The following UBE2E2 variants were observed in gnomAD, a reference collection of about 807,000 sequenced individuals.
UBE2E2 encodes ubiquitin-conjugating enzyme E2 E2.
Under a neutral mutation model 24.7 loss-of-function variants are expected in UBE2E2, and 6 were observed. That is an observed-to-expected ratio of 0.24 (90% CI 0.13 to 0.48). The LOEUF (loss-of-function observed/expected upper bound fraction) is 0.48. Among genes scored for constraint, UBE2E2 ranks in the 20% least tolerant of loss-of-function variants. The pLI is 0.99. For synonymous variants in UBE2E2, 104 were observed against 83.6 expected (o/e 1.24, Z -1.33); for missense variants, 169 against 245.0 (o/e 0.69, Z 2.07).
chr3:23,305,316 C>T (rs970672433), intron 3 of UBE2E2, among the ~76,000 whole-genome samples: 9 of 152,168 alleles, frequency 5.9e-5, no homozygotes, highest in Admixed American at 2.0e-4. Context: ...AGACAGCCAT[C>T]GTATTTAGGT....
intron 5 of UBE2E2, among the ~76,000 whole-genome samples, chr3:23,579,083 T>A (rs1256162590): frequency 6.6e-6 from 1 of 152,198 alleles, no homozygotes; most frequent in Non-Finnish European, 1.5e-5. Flanking sequence ...TAATTTCAGC[T>A]TTCAATTCTT....
At chr3:23,416,450 G>A (rs1461768433) in intron 3 of UBE2E2, among the ~76,000 whole-genome samples, 3 of 152,164 alleles carry the variant, frequency 2.0e-5, no homozygotes, top group Admixed American at 6.5e-5. Flanking sequence ...CCCTTTGTGG[G>A]TAACCTGACG....
intron 5 of UBE2E2, among the ~76,000 whole-genome samples, chr3:23,586,837 A>G (rs544173363): frequency 1.3e-5 from 2 of 152,232 alleles, no homozygotes; most frequent in Admixed American, 6.5e-5. Flanking sequence ...GTAAAAAGTT[A>G]TTTACCATAT....
chr3:23,204,669 A>G, intron 1 of UBE2E2: 4 of 984,120 alleles, frequency 4.1e-6, no homozygotes, highest in Non-Finnish European at 4.8e-6. Context: ...GCCATACCCC[A>G]TTCTCTTTCC....
chr3:23,563,768 AT>A (rs545145171), intron 5 of UBE2E2, among the ~76,000 whole-genome samples: 436 of 152,258 alleles, frequency 2.9e-3, no homozygotes, highest in African/African-American at 9.5e-3. Context: ...GGTAAATAAA[AT>A]TAAAAGGATC....
At chr3:23,311,534 A>G (rs1694392194) in intron 3 of UBE2E2, among the ~76,000 whole-genome samples, 1 of 152,190 alleles carries the variant, frequency 6.6e-6, no homozygotes, top group Non-Finnish European at 1.5e-5. Flanking sequence ...TAGTGTAATC[A>G]GAGAGACTTG....
chr3:23,503,315 G>T (rs907939797), intron 4 of UBE2E2, among the ~76,000 whole-genome samples: 1 of 151,608 alleles, frequency 6.6e-6, no homozygotes, highest in Non-Finnish European at 1.5e-5. Context: ...TCAGCCTCCC[G>T]AGTAGCTGGG....
At position 23,589,142 on chromosome 3, in the gene UBE2E2, C is replaced by T. The variant is rs1696699953; in HGVS notation, c.509-592C>T. On this transcript the variant is annotated intron_variant, in intron 5 of 5. Coordinates refer to ENST00000396703, the MANE Select transcript of UBE2E2 (RefSeq NM_152653.4). This position sits in a 1 kb window ranked among gnomAD's most constrained non-coding sequence, Gnocchi z 4.1. ...TCTCCGTGAAATATCTACTTGAAGA[C>T]AGGCATCTCACACCTGTAATCCCAG... Among the ~76,000 whole-genome samples, 1 of 152,096 alleles carries T rather than the reference C, an allele frequency of 6.6e-6. No individual in the cohort carries two copies. The highest frequency in any genetic ancestry group is 2.1e-4 in the South Asian group (1 of 4,820).
rs541745738 is a variant in UBE2E2, at chr3:23,477,836, T to TG, written c.228-21767dup. Among the ~76,000 whole-genome samples the TG allele has an allele frequency of 2.1e-4, 32 of 152,316 alleles. 1 individual carries two copies. The South Asian group carries it at 6.2e-3, about 30-fold the overall frequency. On this transcript the variant is annotated intron_variant, in intron 3 of 5. Transcript: ENST00000396703. ...AACCCAGTGGGAGGTGATTGGATCA[T>TG]GGGGGCAGTTTCCCTCATGCTGTTC...
intron 3 of UBE2E2, among the ~76,000 whole-genome samples, chr3:23,235,030 A>G (rs186377872): frequency 7.2e-5 from 11 of 152,340 alleles, no homozygotes; most frequent in African/African-American, 2.2e-4. Context: ...AATATTTTCT[A>G]AGGGCCAATA....
At chr3:23,315,178 T>G (rs1694535725) in intron 3 of UBE2E2, among the ~76,000 whole-genome samples, 1 of 152,112 alleles carries the variant, frequency 6.6e-6, no homozygotes, top group South Asian at 2.1e-4. Flanking sequence ...ACAAACTTCT[T>G]CCCACTCTTC....
At chr3:23,535,511 C>G (rs1695235247) in intron 5 of UBE2E2, among the ~76,000 whole-genome samples, 1 of 152,080 alleles carries the variant, frequency 6.6e-6, no homozygotes, top group Non-Finnish European at 1.5e-5. Flanking sequence ...GATGGGTGCA[C>G]CAGCAATAAT....
Position 23,522,384 on chromosome 3 carries a change from G to A in UBE2E2, c.361-10170G>A, listed in dbSNP as rs970707791. Among the ~76,000 whole-genome samples, 9 of 152,176 alleles carry A rather than the reference G, an allele frequency of 5.9e-5. No homozygotes were observed. In the South Asian group the frequency reaches 6.2e-4, roughly 11 times the overall value. On this transcript the variant is annotated intron_variant, in intron 4 of 5. Transcript: ENST00000396703. ...TGACCTCAGGTGATCTGCCCGCCTCGGCCTTCCAAAGTGCTGGGATTACAG... is the reference window on the plus strand; with the variant it reads ...TGACCTCAGGTGATCTGCCCGCCTCAGCCTTCCAAAGTGCTGGGATTACAG...
intron 3 of UBE2E2, among the ~76,000 whole-genome samples, chr3:23,328,689 G>T: frequency 6.7e-6 from 1 of 148,494 alleles, no homozygotes. Context: ...TTGAGACGGA[G>T]TCTCGCTCTG....
At position 23,222,228 on chromosome 3, in the gene UBE2E2, T is replaced by C. The variant is rs117448948; in HGVS notation, c.227+4916T>C. Among the ~76,000 whole-genome samples the C allele has an allele frequency of 6.4e-4, 98 of 152,326 alleles. 1 individual carries two copies. The East Asian group carries it at 0.013, about 21-fold the overall frequency. The stretch of plus-strand genomic sequence containing the variant: ...TATTCCATTGTGTGTATATACCACA[T>C]TTTCTTTATTCATTCATTTGTTAAT... On this transcript the variant is annotated intron_variant, in intron 3 of 5. Coordinates refer to ENST00000396703, the MANE Select transcript of UBE2E2 (RefSeq NM_152653.4).
intron 5 of UBE2E2, among the ~76,000 whole-genome samples, chr3:23,585,039 T>C (rs781617895): frequency 5.3e-5 from 8 of 152,146 alleles, no homozygotes; most frequent in Non-Finnish European, 8.8e-5. Context: ...TCTTACGCTT[T>C]CATTCAGGTT....
chr3:23,556,140 CTTTTTT>C (rs71057604), intron 5 of UBE2E2, among the ~76,000 whole-genome samples: 1 of 92,332 alleles, frequency 1.1e-5, no homozygotes, highest in East Asian at 3.3e-4. Context: ...AATATACAAA[CTTTTTT>C]TTTTTTTTTT....
chr3:23,470,615 T>G (rs1292297163), intron 3 of UBE2E2, among the ~76,000 whole-genome samples: 1 of 152,238 alleles, frequency 6.6e-6, no homozygotes, highest in Admixed American at 6.5e-5. Flanking sequence ...TAGTTTAAAT[T>G]TTCACATTTG....
At chr3:23,439,885 C>G (rs1355772602) in intron 3 of UBE2E2, among the ~76,000 whole-genome samples, 3 of 152,078 alleles carry the variant, frequency 2.0e-5, no homozygotes, top group Admixed American at 6.5e-5. Flanking sequence ...AACAAGAAAC[C>G]TACCTGACAT....
Sources: allele counts gnomAD v4.1 joint callset (sites outside exome capture counted in the v4.1 genomes callset), GRCh38; gene constraint gnomAD v4.1.1; non-coding constraint Gnocchi (gnomAD v3.1); transcripts MANE v1.5; gene names NCBI Gene and HGNC (gene_info 2026-07-23, HGNC 2026-07-21).